SLC47A2: variants seen among roughly 807,000 people sequenced by gnomAD.
SLC47A2 encodes the protein solute carrier family 47 member 2.
SLC47A2 carries 52 observed loss-of-function variants against 67.7 expected under a neutral mutation model. The ratio of observed to expected loss-of-function variants is 0.77; its 90% confidence interval spans 0.61 to 0.97. The LOEUF (loss-of-function observed/expected upper bound fraction) is 0.97. SLC47A2 is among the 50% of genes least tolerant of loss of function. The pLI, the probability that SLC47A2 is intolerant of heterozygous loss-of-function variation, is 0.00. For missense variants in SLC47A2, 676 were observed against 712.3 expected, an observed-to-expected ratio of 0.95 and a Z score of 0.58; for synonymous variants, 278 against 292.9, an observed-to-expected ratio of 0.95 and a Z score of 0.52.
chr17:19,693,931 C>T (rs1439322891), intron 13 of SLC47A2, among the ~76,000 whole-genome samples: 1 of 152,080 alleles, frequency 6.6e-6, no homozygotes, highest in Non-Finnish European at 1.5e-5. Context: ...ACTATTAGAA[C>T]AAGGTCACAG....
Position 19,706,728 on chromosome 17 carries a change from G to C in SLC47A2, c.761C>G (p.Pro254Arg), listed in dbSNP as rs150225670. 139 of 1,611,078 alleles carry C rather than the reference G, an allele frequency of 8.6e-5. 1 individual carries two copies. In the South Asian group the frequency reaches 1.3e-3, roughly 15 times the overall value. ...GCTGGGGACAGCCAGGGAGAAGAAG[G>C]GGCCCCAGTCCTGCAGGCACTGGCT... ...WSSQCLQDWG[P>R]FFSLAVPSML... is the part of the protein sequence containing the mutation. Residue 254 changes from proline (P) to arginine (R), a missense_variant, in exon 9 of 17, where the codon CCC becomes CGC. By Grantham distance (103) the Pro-to-Arg change is moderately radical. Transcript: ENST00000433844.
At chr17:19,679,496 C>A (rs1385680531) in intron 16 of SLC47A2, among the ~76,000 whole-genome samples, 1 of 152,168 alleles carries the variant, frequency 6.6e-6, no homozygotes, top group Non-Finnish European at 1.5e-5. Context: ...GGTGCCCCCC[C>A]AAAGCCAATG....
intron 13 of SLC47A2, among the ~76,000 whole-genome samples, chr17:19,698,115 A>G (rs1423505903): frequency 1.3e-5 from 2 of 152,198 alleles, no homozygotes; most frequent in Non-Finnish European, 2.9e-5. Flanking sequence ...TCTAAAGCTT[A>G]TGTAGAAAGG....
At chr17:19,690,582 A>G (rs1272997352) in intron 13 of SLC47A2, among the ~76,000 whole-genome samples, 3 of 152,236 alleles carry the variant, frequency 2.0e-5, no homozygotes, top group Admixed American at 6.5e-5. Flanking sequence ...ATAGAAAAAA[A>G]TCTAATCCGA....
intron 10 of SLC47A2, 130 bp downstream of exon 10, chr17:19,705,305 TG>T: frequency 1.1e-6 from 1 of 907,042 alleles, no homozygotes; most frequent in Non-Finnish European, 1.7e-6. Flanking sequence ...CTGGACCTGG[TG>T]GGCACGAGAG....
chr17:19,709,160 G>C (rs2086029300), intron 5 of SLC47A2, among the ~76,000 whole-genome samples: 1 of 152,240 alleles, frequency 6.6e-6, no homozygotes, highest in Non-Finnish European at 1.5e-5. Context: ...TCTGGCCTTA[G>C]AGACAGGATT....
intron 13 of SLC47A2, among the ~76,000 whole-genome samples, chr17:19,690,699 CCAA>C (rs2085520714): frequency 1.3e-5 from 2 of 152,028 alleles, no homozygotes; most frequent in African/African-American, 4.8e-5. Context: ...GAAAAGATGC[CCAA>C]CATCACTGAT....
intron 4 of SLC47A2, 55 bp downstream of exon 4, chr17:19,713,770 T>C (rs1385784526): frequency 6.3e-7 from 1 of 1,574,846 alleles, no homozygotes; most frequent in African/African-American, 1.3e-5. Context: ...AGGGTTTCCC[T>C]CGGCGGCCCG....
At chr17:19,714,698 C>T in intron 3 of SLC47A2, 23 bp downstream of exon 3, 1 of 1,613,566 alleles carries the variant, frequency 6.2e-7, no homozygotes, top group East Asian at 2.2e-5. Flanking sequence ...TGGCTTCCTG[C>T]CCAGCTCCAG....
At chr17:19,679,140 A>G (rs76432119) in intron 16 of SLC47A2, among the ~76,000 whole-genome samples, 7 of 152,240 alleles carry the variant, frequency 4.6e-5, no homozygotes, top group Non-Finnish European at 1.0e-4. Context: ...AATGCTTACT[A>G]CTAGGATCTC....
intron 13 of SLC47A2, among the ~76,000 whole-genome samples, chr17:19,697,456 C>G (rs1321636744): frequency 6.6e-6 from 1 of 152,028 alleles, no homozygotes; most frequent in Non-Finnish European, 1.5e-5. Flanking sequence ...AAAAGACAAC[C>G]AAAAAAAGTT....
Position 19,714,473 on chromosome 17 carries a change from G to C in SLC47A2, c.294+248C>G, listed in dbSNP as rs897103882. ...TTTCTCTACTTGGTGACCTCCTCTG[G>C]GGGCAAGAGATCAGAGAACTGTCTC... On this transcript the variant is annotated intron_variant, in intron 3 of 16. Transcript: ENST00000433844. The C allele has an allele frequency of 1.4e-5, 8 of 579,678 alleles. No homozygotes were observed. In the African/African-American group the frequency reaches 1.5e-4, roughly 11 times the overall value. 35.9% of individuals were successfully genotyped at this position (579,678 alleles called of 1,614,324 possible). A position where few individuals can be genotyped will look rare whatever the true frequency, so the allele number is the denominator to read the frequency against.
At chr17:19,698,937 T>G (rs573957430) in intron 13 of SLC47A2, among the ~76,000 whole-genome samples, 8 of 152,192 alleles carry the variant, frequency 5.3e-5, no homozygotes, top group Non-Finnish European at 8.8e-5. Flanking sequence ...TAGAGATGAT[T>G]TAAACTCATA....
chr17:19,704,781 T>G, intron 10 of SLC47A2: 1 of 1,135,886 alleles, frequency 8.8e-7, no homozygotes, highest in Non-Finnish European at 1.3e-6. Context: ...TCTGGCCGAC[T>G]GCAGTGTGCA....
intron 13 of SLC47A2, among the ~76,000 whole-genome samples, chr17:19,697,119 G>A (rs1438719941): frequency 6.6e-6 from 1 of 152,066 alleles, no homozygotes; most frequent in Non-Finnish European, 1.5e-5. Context: ...GTGAAACCCT[G>A]TCTCTACTAA....
At chr17:19,704,789 G>T in intron 10 of SLC47A2, 1 of 991,214 alleles carries the variant, frequency 1.0e-6, no homozygotes, top group Non-Finnish European at 1.5e-6. Flanking sequence ...ACTGCAGTGT[G>T]CAGGAATGTG....
At chr17:19,702,164 A>G in intron 13 of SLC47A2, 3 of 984,960 alleles carry the variant, frequency 3.0e-6, no homozygotes, top group Non-Finnish European at 3.6e-6. Flanking sequence ...CCTGTCCTTT[A>G]GTGATCAAAG....
In SLC47A2 at chr17:19,708,671, C is replaced by T. The variant is rs117788366; in HGVS notation, c.531+45G>A. On this transcript the variant is annotated intron_variant, in intron 6 of 16. Coordinates refer to ENST00000433844, the MANE Select transcript of SLC47A2 (RefSeq NM_001099646.3). The stretch of plus-strand genomic sequence containing the variant: ...AGGCCCCCCTCCCACTGGAATAGGG[C>T]AGTGTGCTGGGAGAAGGGCCTCCCC... 2,647 of 1,611,908 alleles carry T rather than the reference C, an allele frequency of 1.6e-3. 61 individuals are homozygous for T. In the East Asian group the frequency reaches 0.043, roughly 26 times the overall value.
intron 13 of SLC47A2, chr17:19,692,237 A>G (rs1424647089): frequency 7.1e-6 from 3 of 421,584 alleles, no homozygotes; most frequent in Non-Finnish European, 1.4e-5. Flanking sequence ...CAAAAAAAAA[A>G]AAAAGAAAAA....
Sources: gnomAD v4.1 joint callset for allele counts (sites outside exome capture counted in the v4.1 genomes callset) on GRCh38, gnomAD v4.1.1 for gene constraint, MANE v1.5 for transcripts, NCBI Gene and HGNC (gene_info 2026-07-23, HGNC 2026-07-21) for gene names.